Variants in MARK1 observed in about 807,000 individuals in gnomAD.
MARK1 encodes microtubule affinity regulating kinase 1.
A neutral mutation model predicts 96.3 loss-of-function variants in MARK1; 40 were observed. The observed-to-expected ratio is 0.42, with a 90% CI of 0.32 to 0.54. The LOEUF is 0.54. Ranked by LOEUF, MARK1 falls within the 20% of genes least tolerant of loss-of-function variation. The pLI is 0.16. For missense variants in MARK1, 719 were observed against 984.6 expected, an observed-to-expected ratio of 0.73 and a Z score of 3.61; for synonymous variants, 317 against 341.2, an observed-to-expected ratio of 0.93 and a Z score of 0.78.
intron 1 of MARK1, among the ~76,000 whole-genome samples, chr1:220,565,580 G>A (rs1179835775): frequency 6.6e-6 from 1 of 151,876 alleles, no homozygotes; most frequent in Non-Finnish European, 1.5e-5. Context: ...CGGGGGGAGG[G>A]AGGTTGGAGC....
At chr1:220,633,888 G>A (rs1667806301) in intron 11 of MARK1, among the ~76,000 whole-genome samples, 1 of 152,184 alleles carries the variant, frequency 6.6e-6, no homozygotes, top group Non-Finnish European at 1.5e-5. Flanking sequence ...TAGGCATTTG[G>A]ATATAAAGAT....
intron 4 of MARK1, among the ~76,000 whole-genome samples, chr1:220,598,581 A>T (rs936770036): frequency 6.6e-6 from 1 of 151,690 alleles, no homozygotes; most frequent in Admixed American, 6.6e-5. Flanking sequence ...GAGGCTACAG[A>T]TTGCTGTTTT....
intron 6 of MARK1, among the ~76,000 whole-genome samples, chr1:220,607,906 A>G (rs925094465): frequency 1.3e-5 from 2 of 152,168 alleles, no homozygotes; most frequent in Admixed American, 6.6e-5. Context: ...GATGAAGCTG[A>G]CTGCATTGTG....
In MARK1 at chr1:220,631,974, A is replaced by G. The variant is rs541265929; in HGVS notation, c.1010-227A>G. ...CAATGAGAAATTAAGTGGGCCCATT[A>G]ATATATTAACCATGATGTAGGTAAT... On this transcript the variant is annotated intron_variant, in intron 10 of 17. Coordinates refer to ENST00000366917, the MANE Select transcript of MARK1 (RefSeq NM_018650.5). 2.6e-5 allele frequency among the ~76,000 whole-genome samples: 4 copies of G among 152,314 alleles called. No individual in the cohort carries two copies. In the East Asian group the frequency reaches 5.8e-4, roughly 22 times the overall value.
intron 1 of MARK1, among the ~76,000 whole-genome samples, chr1:220,570,004 C>G (rs1572097789): frequency 6.6e-6 from 1 of 151,956 alleles, no homozygotes; most frequent in South Asian, 2.1e-4. Context: ...AAGTGTAGCA[C>G]CTACACACCT....
chr1:220,658,401 T>TCCCA lies in MARK1; in HGVS notation c.2033+569_2033+572dup, dbSNP rs549425367. On this transcript the variant is annotated intron_variant, in intron 17 of 17. Coordinates refer to ENST00000366917, the MANE Select transcript of MARK1 (RefSeq NM_018650.5). ...AAGGCTTGATAAAAAGGTTGCTGGA[T>TCCCA]CCCACTCCCAGGGTTTCTGATTCAG... 1.2e-3 allele frequency among the ~76,000 whole-genome samples: 180 copies of TCCCA among 152,272 alleles called. 2 individuals carry two copies. The highest frequency in any genetic ancestry group is 4.2e-3 in the African/African-American group (174 of 41,548).
At position 220,543,246 on chromosome 1, in the gene MARK1, CATAAACTGGACTT is replaced by C. The variant is rs1299856575; in HGVS notation, c.51+14378_51+14390del. Among the ~76,000 whole-genome samples, 81 of 152,288 alleles carry C rather than the reference CATAAACTGGACTT, an allele frequency of 5.3e-4. 2 individuals are homozygous for C. The highest frequency in any genetic ancestry group is 5.2e-3 in the Admixed American group (80 of 15,302). The stretch of plus-strand genomic sequence containing the variant: ...GACAGTCATTGAAATTAAGTAGCAA[CATAAACTGGACTT>C]ATAATCAGTCTTTCAGTTCTTTATC... On this transcript the variant is annotated intron_variant, in intron 1 of 17. Coordinates refer to ENST00000366917, the MANE Select transcript of MARK1 (RefSeq NM_018650.5).
intron 1 of MARK1, among the ~76,000 whole-genome samples, chr1:220,550,949 G>A (rs930594168): frequency 6.6e-6 from 1 of 152,192 alleles, no homozygotes; most frequent in Non-Finnish European, 1.5e-5. Context: ...AGCATTCTGT[G>A]TATAGTTGCT....
intron 1 of MARK1, among the ~76,000 whole-genome samples, chr1:220,545,765 A>G (rs562685645): frequency 6.6e-6 from 1 of 152,198 alleles, no homozygotes; most frequent in Non-Finnish European, 1.5e-5. Context: ...TACAGTATTT[A>G]TATACACTTT....
chr1:220,564,539 G>A (rs1662909540), intron 1 of MARK1, among the ~76,000 whole-genome samples: 1 of 152,018 alleles, frequency 6.6e-6, no homozygotes, highest in South Asian at 2.1e-4. Context: ...ATCCAATTAG[G>A]TCTCGGATGG....
intron 9 of MARK1, among the ~76,000 whole-genome samples, chr1:220,619,976 T>C (rs1447478936): frequency 6.6e-6 from 1 of 152,232 alleles, no homozygotes; most frequent in Non-Finnish European, 1.5e-5. Flanking sequence ...TAGTGAGCCA[T>C]CCCTGTGTAC....
At chr1:220,550,279 A>G (rs1661771508) in intron 1 of MARK1, among the ~76,000 whole-genome samples, 1 of 152,224 alleles carries the variant, frequency 6.6e-6, no homozygotes. Flanking sequence ...GTCTTTTCTG[A>G]ATCATAATGC....
At chr1:220,657,931 A>G (rs898976941) in intron 17 of MARK1, 97 bp downstream of exon 17, 3 of 821,878 alleles carry the variant, frequency 3.7e-6, no homozygotes, top group African/African-American at 3.6e-5. Context: ...AATAGATCTA[A>G]TAACTAGATA....
rs1270811373 is a variant in MARK1, at chr1:220,654,275, A to T, written c.1988+923A>T. 6.6e-6 allele frequency among the ~76,000 whole-genome samples: 1 copy of T among 152,230 alleles called. No individual in the cohort carries two copies. Among genetic ancestry groups the T allele is most frequent in the Non-Finnish European group, 1.5e-5 (1 of 68,044 alleles). On this transcript the variant is annotated intron_variant, in intron 16 of 17. Coordinates refer to ENST00000366917, the MANE Select transcript of MARK1 (RefSeq NM_018650.5). This position sits in a 1 kb window ranked among gnomAD's most constrained non-coding sequence, Gnocchi z 4.0. ...TATAATCATTTCAGCTGAGCCTTCA[A>T]TGATGGGTAAGAAATAATTATACTT... is the stretch of plus-strand genomic sequence containing the variant.
chr1:220,569,666 T>C (rs1187075819), intron 1 of MARK1, among the ~76,000 whole-genome samples: 1 of 152,166 alleles, frequency 6.6e-6, no homozygotes, highest in Admixed American at 6.5e-5. Flanking sequence ...TATTACTTCT[T>C]CATTGATATG....
At chr1:220,629,073 G>T (rs1306524303) in intron 9 of MARK1, among the ~76,000 whole-genome samples, 2 of 151,996 alleles carry the variant, frequency 1.3e-5, no homozygotes, top group Admixed American at 6.6e-5. Context: ...TGAGGGGAAG[G>T]TACCTGGGCA....
chr1:220,626,853 C>A, intron 9 of MARK1: 1 of 424,186 alleles, frequency 2.4e-6, no homozygotes, highest in South Asian at 2.1e-5. Context: ...GGGGGCATGC[C>A]AAGTGTATGG....
chr1:220,622,687 A>G lies in MARK1; in HGVS notation c.909+3932A>G, dbSNP rs1298337540. Reference sequence around the variant, plus strand: ...CAAGGCGGGCAGATCACCTAAGTCCAGGAGATCGAGACCAGCCTGGGCAAC... The same window carrying G: ...CAAGGCGGGCAGATCACCTAAGTCCGGGAGATCGAGACCAGCCTGGGCAAC... On this transcript the variant is annotated intron_variant, in intron 9 of 17. Coordinates refer to ENST00000366917, the MANE Select transcript of MARK1 (RefSeq NM_018650.5). Among the ~76,000 whole-genome samples the G allele has an allele frequency of 4.6e-5, 7 of 152,304 alleles. No homozygotes were observed. The South Asian group carries it at 1.0e-3, about 23-fold the overall frequency.
intron 1 of MARK1, among the ~76,000 whole-genome samples, chr1:220,545,358 G>C (rs567982217): frequency 6.6e-6 from 1 of 151,224 alleles, no homozygotes; most frequent in African/African-American, 2.4e-5. Context: ...AACTTGATGA[G>C]ATCTGTATTA....
Sources: allele counts gnomAD v4.1 joint callset (sites outside exome capture counted in the v4.1 genomes callset), GRCh38; gene constraint gnomAD v4.1.1; non-coding constraint Gnocchi (gnomAD v3.1); transcripts MANE v1.5; gene names NCBI Gene and HGNC (gene_info 2026-07-23, HGNC 2026-07-21).